The following PKIB variants were observed in gnomAD, a reference collection of about 807,000 sequenced individuals.
PKIB encodes cAMP-dependent protein kinase inhibitor beta.
PKIB carries 2 observed loss-of-function variants against 4.5 expected under a neutral mutation model. The observed-to-expected ratio is 0.44, with a 90% CI of 0.18 to 1.39. The LOEUF is 1.39. Among genes scored for constraint, PKIB ranks in the 40% most tolerant of loss-of-function variants. The probability of loss-of-function intolerance (pLI) is 0.27; values close to 1 mark genes in which losing one functional copy is unlikely to be tolerated. For synonymous variants in PKIB, 38 were observed against 36.0 expected, an observed-to-expected ratio of 1.06 and a Z score of -0.20; for missense variants, 94 against 92.6, an observed-to-expected ratio of 1.02 and a Z score of -0.06.
At chr6:122,720,733 C>G (rs1779706877) in intron 4 of PKIB, among the ~76,000 whole-genome samples, 2 of 151,212 alleles carry the variant, frequency 1.3e-5, no homozygotes, top group South Asian at 4.2e-4. Context: ...CGGAGTTTCA[C>G]TCTTGTCTCC....
intron 2 of PKIB, among the ~76,000 whole-genome samples, chr6:122,515,256 A>AT (rs1776712085): frequency 6.6e-6 from 1 of 152,216 alleles, no homozygotes; most frequent in Non-Finnish European, 1.5e-5. Flanking sequence ...AAATACAAAA[A>AT]TGTGTTTTAA....
At chr6:122,530,512 G>A (rs1777224966) in intron 2 of PKIB, among the ~76,000 whole-genome samples, 2 of 152,054 alleles carry the variant, frequency 1.3e-5, no homozygotes, top group Admixed American at 1.3e-4. Context: ...TTGTTTGTTT[G>A]TTTGCTGGGA....
intron 3 of PKIB, among the ~76,000 whole-genome samples, chr6:122,704,044 A>G (rs77256980): frequency 2.0e-4 from 31 of 151,694 alleles, no homozygotes; most frequent in African/African-American, 7.3e-4. Context: ...CAGGAGAGCT[A>G]ATGATATGGT....
chr6:122,701,684 G>A (rs1406898236), intron 3 of PKIB, among the ~76,000 whole-genome samples: 1 of 152,190 alleles, frequency 6.6e-6, no homozygotes, highest in Non-Finnish European at 1.5e-5. Context: ...CTGACTAGGT[G>A]TCTTCTGAAA....
At chr6:122,677,842 T>TCTTCCTTCCTTCCTTCCTTC (rs66707245) in intron 3 of PKIB, among the ~76,000 whole-genome samples, 2 of 141,116 alleles carry the variant, frequency 1.4e-5, no homozygotes, top group Admixed American at 1.5e-4. Flanking sequence ...AGCTTTCTTT[T>TCTTCCTTCCTTCCTTCCTTC]CTTCCTTCCT....
At chr6:122,649,401 G>A (rs1456117024) in intron 2 of PKIB, among the ~76,000 whole-genome samples, 1 of 152,184 alleles carries the variant, frequency 6.6e-6, no homozygotes, top group African/African-American at 2.4e-5. Flanking sequence ...ATTCAGTAGA[G>A]CATTGGCATT....
intron 3 of PKIB, among the ~76,000 whole-genome samples, chr6:122,710,659 A>T (rs1478525646): frequency 6.6e-6 from 1 of 152,180 alleles, no homozygotes; most frequent in Non-Finnish European, 1.5e-5. Context: ...CGCTGCCTCC[A>T]CTGCTCACGT....
At chr6:122,599,500 C>G (rs530197295) in intron 3 of PKIB, among the ~76,000 whole-genome samples, 2 of 152,276 alleles carry the variant, frequency 1.3e-5, no homozygotes, top group African/African-American at 2.4e-5. Flanking sequence ...AGCTTTTTCT[C>G]TACAGGAGAT....
intron 3 of PKIB, among the ~76,000 whole-genome samples, chr6:122,700,192 T>TTGTTGG (rs1182924147): frequency 1.5e-5 from 2 of 131,440 alleles, no homozygotes; most frequent in Admixed American, 1.7e-4. Context: ...GTTGTTGTTG[T>TTGTTGG]TGGTTCCTCC....
At chr6:122,636,435 CTCA>C (rs1227941654) in intron 2 of PKIB, among the ~76,000 whole-genome samples, 5 of 151,748 alleles carry the variant, frequency 3.3e-5, no homozygotes, top group African/African-American at 4.8e-5. Flanking sequence ...ATTTAAAAAT[CTCA>C]TCATAACAAT....
At chr6:122,612,441 G>A (rs1200982616) in intron 1 of PKIB, among the ~76,000 whole-genome samples, 1 of 152,010 alleles carries the variant, frequency 6.6e-6, no homozygotes, top group East Asian at 1.9e-4. Context: ...GATTCCTTAT[G>A]TCCATTATGT....
intron 1 of PKIB, among the ~76,000 whole-genome samples, chr6:122,632,121 GC>G (rs1775728556): frequency 6.6e-6 from 1 of 152,130 alleles, no homozygotes; most frequent in South Asian, 2.1e-4. Context: ...AACTAGATTT[GC>G]CCATGCAAAT....
At chr6:122,473,035 C>T (rs1461460622) in intron 1 of PKIB, among the ~76,000 whole-genome samples, 3 of 152,116 alleles carry the variant, frequency 2.0e-5, no homozygotes, top group African/African-American at 4.8e-5. Context: ...TGCTTGAACC[C>T]GGGAGGCAGA....
intron 3 of PKIB, among the ~76,000 whole-genome samples, chr6:122,595,146 C>T (rs112760150): frequency 0.025 from 3,806 of 152,244 alleles, 153 homozygotes; most frequent in African/African-American, 0.086. Context: ...AGTGGTGCCA[C>T]TTCCACTTCC....
intron 2 of PKIB, among the ~76,000 whole-genome samples, chr6:122,537,273 C>T (rs961746882): frequency 1.2e-4 from 18 of 151,988 alleles, no homozygotes; most frequent in Non-Finnish European, 2.2e-4. Context: ...CCCATTAACT[C>T]GTCATTTAGC....
chr6:122,523,965 C>T (rs1415770365), intron 2 of PKIB, among the ~76,000 whole-genome samples: 2 of 152,146 alleles, frequency 1.3e-5, no homozygotes. Context: ...TTCTTCATAG[C>T]AGTATGAAAA....
intron 2 of PKIB, among the ~76,000 whole-genome samples, chr6:122,667,525 A>G (rs1777278823): frequency 2.4e-4 from 1 of 4,084 alleles, no homozygotes; most frequent in East Asian, 0.5. Context: ...GGACAAAGCA[A>G]GACTGTCTCA....
At chr6:122,655,373 C>G (rs977715579) in intron 2 of PKIB, among the ~76,000 whole-genome samples, 8 of 152,138 alleles carry the variant, frequency 5.3e-5, no homozygotes, top group African/African-American at 1.9e-4. Flanking sequence ...CTAGGCCATG[C>G]AAGTGGAGCC....
At chr6:122,480,469 T>C (rs1775582950) in intron 2 of PKIB, 1 of 152,252 alleles carries the variant, frequency 6.6e-6, no homozygotes, top group Non-Finnish European at 1.5e-5. Flanking sequence ...TGTAATATTT[T>C]AATGTTAGTA....
Sources: gnomAD v4.1 joint callset for allele counts (sites outside exome capture counted in the v4.1 genomes callset) on GRCh38, gnomAD v4.1.1 for gene constraint, MANE v1.5 for transcripts, NCBI Gene and HGNC (gene_info 2026-07-23, HGNC 2026-07-21) for gene names.